The following SPOCK1 variants were observed in gnomAD, a reference collection of about 807,000 sequenced individuals.
The protein encoded by SPOCK1 is SPARC (osteonectin), cwcv and kazal like domains proteoglycan 1.
SPOCK1 carries 23 observed loss-of-function variants against 55.3 expected under a neutral mutation model. The ratio of observed to expected loss-of-function variants is 0.42; its 90% CI spans 0.30 to 0.59. The LOEUF (loss-of-function observed/expected upper bound fraction) is 0.59. Ranked by LOEUF, SPOCK1 falls within the 20% of genes least tolerant of loss-of-function variation. The pLI is 0.22. For missense variants in SPOCK1, 499 were observed against 552.5 expected, an observed-to-expected ratio of 0.90 and a Z score of 0.97; for synonymous variants, 226 against 221.0, an observed-to-expected ratio of 1.02 and a Z score of -0.20.
At chr5:137,277,381 T>C (rs1757087091) in intron 2 of SPOCK1, among the ~76,000 whole-genome samples, 1 of 152,202 alleles carries the variant, frequency 6.6e-6, no homozygotes, top group African/African-American at 2.4e-5. Context: ...AAAATTACTA[T>C]ACAAGTTCAC....
intron 3 of SPOCK1, among the ~76,000 whole-genome samples, chr5:137,219,532 A>G (rs760036404): frequency 6.6e-6 from 1 of 152,234 alleles, no homozygotes; most frequent in Non-Finnish European, 1.5e-5. Flanking sequence ...AATTACAGCA[A>G]TTAAGAATCA....
intron 2 of SPOCK1, among the ~76,000 whole-genome samples, chr5:137,349,922 A>G (rs951821805): frequency 7.9e-5 from 12 of 152,144 alleles, no homozygotes; most frequent in African/African-American, 2.9e-4. Context: ...GGGGATGAGG[A>G]CTTCAACATC....
At chr5:137,459,054 G>T (rs1389036145) in intron 2 of SPOCK1, among the ~76,000 whole-genome samples, 2 of 152,216 alleles carry the variant, frequency 1.3e-5, no homozygotes, top group African/African-American at 2.4e-5. Flanking sequence ...GGTCCAGTGA[G>T]TGAGGCTGGC....
intron 3 of SPOCK1, among the ~76,000 whole-genome samples, chr5:137,245,776 C>CAAAAAAAAAAAA (rs143599362): frequency 7.1e-6 from 1 of 140,870 alleles, no homozygotes; most frequent in Non-Finnish European, 1.6e-5. Context: ...CAAAACAAAA[C>CAAAAAAAAAAAA]AAAAAAAAAA....
chr5:137,294,002 A>C (rs1009052433), intron 2 of SPOCK1, among the ~76,000 whole-genome samples: 3 of 152,186 alleles, frequency 2.0e-5, no homozygotes, highest in African/African-American at 7.2e-5. Context: ...TGACAGAGCG[A>C]CACTCCATCT....
At chr5:137,185,022 T>C (rs971996762) in intron 3 of SPOCK1, among the ~76,000 whole-genome samples, 2 of 152,212 alleles carry the variant, frequency 1.3e-5, no homozygotes, top group Non-Finnish European at 2.9e-5. Context: ...CTATCTTGTC[T>C]GTCTTGTTGA....
At chr5:137,035,230 A>G (rs1751860094) in intron 6 of SPOCK1, among the ~76,000 whole-genome samples, 9 of 152,198 alleles carry the variant, frequency 5.9e-5, no homozygotes, top group Admixed American at 5.9e-4. Flanking sequence ...CAGGCAGCCA[A>G]GGAGCACAGC....
At chr5:136,991,278 A>G (rs375292538) in intron 7 of SPOCK1, among the ~76,000 whole-genome samples, 49 of 152,174 alleles carry the variant, frequency 3.2e-4, no homozygotes, top group African/African-American at 1.1e-3. Context: ...TGCTTTTCCA[A>G]CAGACCCAAC....
At chr5:137,322,081 A>G (rs191574226) in intron 2 of SPOCK1, among the ~76,000 whole-genome samples, 3 of 152,290 alleles carry the variant, frequency 2.0e-5, no homozygotes, top group East Asian at 1.9e-4. Flanking sequence ...AAAAGCATAT[A>G]TAAGTATTAA....
chr5:137,034,577 A>G (rs1751845918), intron 6 of SPOCK1, among the ~76,000 whole-genome samples: 1 of 152,202 alleles, frequency 6.6e-6, no homozygotes, highest in African/African-American at 2.4e-5. Flanking sequence ...GTCACACTCC[A>G]TGGGCTCAGC....
intron 2 of SPOCK1, among the ~76,000 whole-genome samples, chr5:137,371,230 A>G (rs1751194904): frequency 6.6e-6 from 1 of 152,248 alleles, no homozygotes; most frequent in Admixed American, 6.5e-5. Flanking sequence ...TTCAAGGCTC[A>G]GCTCCCTCAC....
At chr5:137,184,135 G>A (rs551620487) in intron 3 of SPOCK1, among the ~76,000 whole-genome samples, 15 of 152,348 alleles carry the variant, frequency 9.8e-5, no homozygotes, top group African/African-American at 2.6e-4. Flanking sequence ...ATTTTTAAGT[G>A]TAGTTTTGCT....
chr5:137,042,337 G>A (rs1018228251), intron 6 of SPOCK1, among the ~76,000 whole-genome samples: 2 of 152,102 alleles, frequency 1.3e-5, no homozygotes, highest in African/African-American at 4.8e-5. Context: ...GAAGCACAGA[G>A]AATATTTTTA....
At chr5:137,017,102 C>A (rs1366784907) in intron 6 of SPOCK1, among the ~76,000 whole-genome samples, 3 of 152,254 alleles carry the variant, frequency 2.0e-5, no homozygotes, top group Non-Finnish European at 2.9e-5. Flanking sequence ...CAGGAGCTCT[C>A]AAGGCTGCCT....
In SPOCK1 at chr5:136,979,389, C is replaced by T. The variant is rs1561568989; in HGVS notation, c.1072G>A (p.Val358Met). The T allele has an allele frequency of 6.2e-7, 1 of 1,614,158 alleles. No homozygotes were observed. Among genetic ancestry groups the T allele is most frequent in the Non-Finnish European group, 8.5e-7 (1 of 1,180,002 alleles). ...GCCAACTCATTCCCATATTTGTCCA[C>T]ACACCAGCACTGCCCCGTGCTGCCG... ...CHGSTGQCWC[V>M]DKYGNELAGS... Residue 358 changes from valine (V) to methionine (M), a missense_variant, in exon 10 of 11, where the codon GTG becomes ATG. Physicochemically the swap from Val to Met is conservative, Grantham distance 21. Transcript: ENST00000394945.
chr5:137,008,059 T>A (rs199593590), intron 6 of SPOCK1, among the ~76,000 whole-genome samples: 1 of 150,772 alleles, frequency 6.6e-6, no homozygotes, highest in East Asian at 2.0e-4. Flanking sequence ...AAACACCGTA[T>A]GTTCTCACTC....
chr5:137,240,896 C>A lies in SPOCK1; in HGVS notation c.232+26114G>T, dbSNP rs1048372334. ...AAACAAATAGATCTAAATACAAAGT[C>A]CAGAAACTAATCCAAATACAAATGG... is the stretch of plus-strand genomic sequence containing the variant. On this transcript the variant is annotated intron_variant, in intron 3 of 10. Coordinates refer to ENST00000394945, the MANE Select transcript of SPOCK1 (RefSeq NM_004598.4). Among the ~76,000 whole-genome samples the A allele has an allele frequency of 2.0e-5, 3 of 152,030 alleles. No homozygotes were observed. In the South Asian group the frequency reaches 6.2e-4, roughly 32 times the overall value.
intron 6 of SPOCK1, among the ~76,000 whole-genome samples, chr5:137,030,898 A>G (rs1751765319): frequency 6.6e-6 from 1 of 152,180 alleles, no homozygotes; most frequent in Non-Finnish European, 1.5e-5. Flanking sequence ...TCAATTCCTC[A>G]AAAAACTGAT....
At chr5:137,484,917 GA>G (rs1269591701) in intron 2 of SPOCK1, among the ~76,000 whole-genome samples, 2 of 152,022 alleles carry the variant, frequency 1.3e-5, no homozygotes, top group African/African-American at 4.8e-5. Context: ...GTTGTTACAT[GA>G]AAAAAGACGC....
Sources: allele counts gnomAD v4.1 joint callset (sites outside exome capture counted in the v4.1 genomes callset), GRCh38; gene constraint gnomAD v4.1.1; transcripts MANE v1.5; gene names NCBI Gene and HGNC (gene_info 2026-07-23, HGNC 2026-07-21).